SKIC3: variants seen among roughly 807,000 people sequenced by gnomAD.
The protein encoded by SKIC3 is SKI3 subunit of superkiller complex, also known as superkiller complex protein 3.
the SKIC3 span, chr5:95,540,795 C>G: frequency 6.2e-7 from 1 of 1,614,046 alleles, no homozygotes; most frequent in Admixed American, 1.7e-5. Flanking sequence ...CTTGTTCCTG[C>G]CGTGTTTTTA....
chr5:95,516,700 A>G, the SKIC3 span: 2 of 1,613,482 alleles, frequency 1.2e-6, no homozygotes, highest in East Asian at 2.2e-5. Context: ...CACCAAGAGC[A>G]TTCCAGTATA....
the SKIC3 span, among the ~76,000 whole-genome samples, chr5:95,526,620 C>T: frequency 6.6e-6 from 1 of 152,168 alleles, no homozygotes; most frequent in South Asian, 2.1e-4. Context: ...ATTACAGGTG[C>T]ATACCACCAA....
chr5:95,536,779 C>CACCT, the SKIC3 span: 3 of 1,507,282 alleles, frequency 2.0e-6, no homozygotes, highest in Non-Finnish European at 2.8e-6. Flanking sequence ...CATAATCACA[C>CACCT]ACCTCTAGGA....
At chr5:95,520,274 G>A in the SKIC3 span, among the ~76,000 whole-genome samples, 1 of 151,618 alleles carries the variant, frequency 6.6e-6, no homozygotes, top group South Asian at 2.1e-4. Flanking sequence ...GGAGCAATCA[G>A]ATTGTCATTT....
the SKIC3 span, chr5:95,517,360 A>C: frequency 1.3e-6 from 2 of 1,593,370 alleles, no homozygotes; most frequent in Non-Finnish European, 1.7e-6. Flanking sequence ...CAAATTATTT[A>C]TAAAAAGCAT....
chr5:95,545,083 A>G, the SKIC3 span, among the ~76,000 whole-genome samples: 68 of 152,338 alleles, frequency 4.5e-4, no homozygotes, highest in African/African-American at 1.6e-3. Flanking sequence ...TCTAGTATAA[A>G]TTATTAACTA....
the SKIC3 span, among the ~76,000 whole-genome samples, chr5:95,546,171 C>T: frequency 6.6e-6 from 1 of 151,970 alleles, no homozygotes; most frequent in Non-Finnish European, 1.5e-5. Context: ...TCCATCCATA[C>T]TTGAACCCCA....
the SKIC3 span, chr5:95,502,955 T>C: frequency 7.4e-6 from 12 of 1,614,160 alleles, no homozygotes; most frequent in South Asian, 2.2e-5. Flanking sequence ...TGTCAAGATA[T>C]GGGCTTTGTC....
chr5:95,474,664 C>A, the SKIC3 span, among the ~76,000 whole-genome samples: 6 of 152,138 alleles, frequency 3.9e-5, no homozygotes, highest in Admixed American at 1.3e-4. Flanking sequence ...TCTATGTCAA[C>A]CTCTTTAGCA....
the SKIC3 span, chr5:95,546,848 G>A: frequency 1.8e-6 from 1 of 558,176 alleles, no homozygotes; most frequent in South Asian, 2.0e-5. Context: ...TAAGAACTTG[G>A]TTTTGTTAAG....
chr5:95,473,990 C>T, the SKIC3 span, among the ~76,000 whole-genome samples: 3 of 152,108 alleles, frequency 2.0e-5, no homozygotes, highest in East Asian at 1.9e-4. Flanking sequence ...CCAAGGCCGA[C>T]GTCAAAAAAG....
chr5:95,541,470 A>G, the SKIC3 span: 1 of 1,181,160 alleles, frequency 8.5e-7, no homozygotes, highest in Non-Finnish European at 1.3e-6. Context: ...AAATTTAAGT[A>G]TTCCAATAAT....
At chr5:95,511,490 C>T in the SKIC3 span, among the ~76,000 whole-genome samples, 68 of 152,232 alleles carry the variant, frequency 4.5e-4, no homozygotes, top group African/African-American at 1.6e-3. Context: ...TAAGGCAAAC[C>T]CCCCCAAGTG....
the SKIC3 span, among the ~76,000 whole-genome samples, chr5:95,536,308 C>T: frequency 6.6e-6 from 1 of 152,322 alleles, no homozygotes; most frequent in South Asian, 2.1e-4. Flanking sequence ...GTTCTTATGA[C>T]ACTGTGACAT....
At chr5:95,524,142 T>A in the SKIC3 span, among the ~76,000 whole-genome samples, 3,436 of 152,286 alleles carry the variant, frequency 0.023, 56 homozygotes, top group South Asian at 0.039. Context: ...TTATAGATGT[T>A]AAACATCTAA....
the SKIC3 span, among the ~76,000 whole-genome samples, chr5:95,533,210 A>T: frequency 2.6e-5 from 4 of 152,188 alleles, no homozygotes; most frequent in Non-Finnish European, 5.9e-5. Context: ...TGTTACATGA[A>T]GCTTTATAAA....
At chr5:95,515,353 A>C in the SKIC3 span, among the ~76,000 whole-genome samples, 6 of 152,188 alleles carry the variant, frequency 3.9e-5, no homozygotes, top group Non-Finnish European at 7.4e-5. Flanking sequence ...GCTACCAGAG[A>C]AGGAGTGATC....
At chr5:95,529,121 T>C in the SKIC3 span, 1 of 1,611,002 alleles carries the variant, frequency 6.2e-7, no homozygotes, top group Non-Finnish European at 8.5e-7. Context: ...ATAAAAACAA[T>C]CACAAAAAAC....
chr5:95,541,462 A>G, the SKIC3 span: 1 of 1,238,562 alleles, frequency 8.1e-7, no homozygotes, highest in Non-Finnish European at 1.2e-6. Context: ...AAACACTAAA[A>G]TTTAAGTATT....
Sources: allele counts gnomAD v4.1 joint callset (sites outside exome capture counted in the v4.1 genomes callset), GRCh38; gene constraint gnomAD v4.1.1; transcripts MANE v1.5; gene names NCBI Gene and HGNC (gene_info 2026-07-23, HGNC 2026-07-21).